VSTM2A: variants seen among roughly 807,000 people sequenced by gnomAD.
The protein encoded by VSTM2A is V-set and transmembrane domain containing 2A.
In VSTM2A, 13 loss-of-function variants were observed where a neutral mutation model predicts 27.3. That is an observed-to-expected ratio of 0.48 (90% CI 0.31 to 0.76). The LOEUF (loss-of-function observed/expected upper bound fraction) is 0.76, where lower values mean the gene tolerates loss of function less well. Among genes scored for constraint, VSTM2A ranks in the 30% least tolerant of loss-of-function variants. VSTM2A has a pLI of 0.05. For synonymous variants in VSTM2A, 142 were observed against 125.7 expected (o/e 1.13, Z -0.87); for missense variants, 280 against 310.0 (o/e 0.90, Z 0.73).
At chr7:54,546,518 G>T (rs1406157314) in intron 2 of VSTM2A, among the ~76,000 whole-genome samples, 2 of 150,634 alleles carry the variant, frequency 1.3e-5, no homozygotes, top group Admixed American at 6.6e-5. Context: ...CACGCCGGCC[G>T]CCCCACCCCT....
At chr7:54,560,893 G>A (rs1788540756) in intron 4 of VSTM2A, among the ~76,000 whole-genome samples, 3 of 152,196 alleles carry the variant, frequency 2.0e-5, no homozygotes, top group Admixed American at 1.3e-4. Flanking sequence ...ACTGTGCAGT[G>A]AAGGGCTCTG....
chr7:54,562,678 T>C (rs1329004281), intron 4 of VSTM2A, among the ~76,000 whole-genome samples: 1 of 152,178 alleles, frequency 6.6e-6, no homozygotes, highest in Non-Finnish European at 1.5e-5. Flanking sequence ...GGGCTCTGGG[T>C]GCATGATCGC....
At position 54,562,323 on chromosome 7, in the gene VSTM2A, C is replaced by T. The variant is rs917064947; in HGVS notation, c.635-6808C>T. Among the ~76,000 whole-genome samples, 4 of 152,100 alleles carry T rather than the reference C, an allele frequency of 2.6e-5. No homozygotes were observed. In the East Asian group the frequency reaches 7.7e-4, roughly 29 times the overall value. On this transcript the variant is annotated intron_variant, in intron 4 of 4. Transcript: ENST00000402613. ...TCACATATTTGGAGCCATGTTTCTT[C>T]CCTTCTTTCTTTTTCTTCTATTTTT...
intron 4 of VSTM2A, among the ~76,000 whole-genome samples, chr7:54,563,952 T>C (rs1315121163): frequency 6.6e-6 from 1 of 152,358 alleles, no homozygotes; most frequent in East Asian, 1.9e-4. Context: ...CATTCTATTA[T>C]TTGACCTTTC....
chr7:54,546,817 G>GCCCCTGGTGGCTCCCCTGT, intron 2 of VSTM2A, 130 bp from the exon 3 acceptor site: 8 of 1,147,644 alleles, frequency 7.0e-6, no homozygotes, highest in Non-Finnish European at 9.6e-6. Context: ...GGGTGGCCAC[G>GCCCCTGGTGGCTCCCCTGT]CCCCTGGTCG....
intron 4 of VSTM2A, among the ~76,000 whole-genome samples, chr7:54,565,251 G>A (rs867707713): frequency 3.9e-5 from 6 of 152,196 alleles, no homozygotes; most frequent in Non-Finnish European, 5.9e-5. Context: ...ATTTCACTTT[G>A]CTGGGTTACA....
At position 54,561,931 on chromosome 7, in the gene VSTM2A, T is replaced by G. The variant is rs554984959; in HGVS notation, c.635-7200T>G. Among the ~76,000 whole-genome samples the G allele has an allele frequency of 7.9e-5, 12 of 152,248 alleles. No individual in the cohort carries two copies. The South Asian group carries it at 2.5e-3, about 32-fold the overall frequency. On this transcript the variant is annotated intron_variant, in intron 4 of 4. Coordinates refer to ENST00000402613, the MANE Select transcript of VSTM2A (RefSeq NM_001301009.2). ...TAGTTTTTTAGTTTTTTGTTTGTTT[T>G]TTTTTGTTTTTGAGACAGAGTCTCA...
chr7:54,569,206 C>A lies in VSTM2A; in HGVS notation c.710C>A (p.Pro237His), dbSNP rs1257615092. The change falls in exon 5 of 5, where the codon CCC becomes CAC. Residue 237 changes from proline to histidine, a missense_variant. Physicochemically the swap from Pro to His is moderately conservative, Grantham distance 77. Transcript: ENST00000402613. ...LTLNSKHHPA[P>H]TVL ...CTAAACTCCAAGCACCACCCTGCAC[C>A]CACTGTACTCTAATTCACTACACAA... 1 of 1,551,606 alleles carries A rather than the reference C, an allele frequency of 6.4e-7. No individual in the cohort carries two copies. The highest frequency in any genetic ancestry group is 1.4e-5 in the African/African-American group (1 of 73,142).
At chr7:54,563,510 A>G (rs1788625880) in intron 4 of VSTM2A, among the ~76,000 whole-genome samples, 1 of 152,178 alleles carries the variant, frequency 6.6e-6, no homozygotes, top group Admixed American at 6.5e-5. Context: ...TCAGATGTGC[A>G]GTGTCCCCAG....
intron 4 of VSTM2A, chr7:54,559,706 A>C (rs781632819): frequency 6.6e-6 from 1 of 152,162 alleles, no homozygotes; most frequent in East Asian, 1.9e-4. Context: ...GGAGTTTTTC[A>C]TACACCTGGA....
chr7:54,547,019 G>A (rs2115789083), intron 3 of VSTM2A, 22 bp downstream of exon 3: 1 of 1,570,796 alleles, frequency 6.4e-7, no homozygotes. Context: ...GCGCGCCAAG[G>A]GCCGCGGGCC....
Position 54,548,400 on chromosome 7 carries a change from T to C in VSTM2A, c.297+1403T>C, listed in dbSNP as rs577152628. On this transcript the variant is annotated intron_variant, in intron 3 of 4. Transcript: ENST00000402613. ...ACCTTGAACATATTTTCTCAACCAC[T>C]AGTTATTAACTTTGAATTCCCAGGA... 9.2e-5 allele frequency among the ~76,000 whole-genome samples: 14 copies of C among 151,968 alleles called. No homozygotes were observed. In the South Asian group the frequency reaches 2.9e-3, roughly 31 times the overall value.
At chr7:54,558,942 A>C (rs932961362) in intron 4 of VSTM2A, 1 of 152,112 alleles carries the variant, frequency 6.6e-6, no homozygotes, top group South Asian at 2.1e-4. Context: ...ATTTTATTTA[A>C]GTAAATAATA....
chr7:54,569,280 G>A lies in VSTM2A; in HGVS notation c.*61G>A. Reference sequence around the variant, plus strand: ...AAATGAAGAGGCTATCACATGCTTTGTTGATCATATTTTCTTTGGCAAAAC... The same window carrying A: ...AAATGAAGAGGCTATCACATGCTTTATTGATCATATTTTCTTTGGCAAAAC... On this transcript the variant is annotated 3_prime_UTR_variant, in exon 5 of 5. Transcript: ENST00000402613. 6.5e-7 allele frequency: 1 copy of A among 1,541,582 alleles called. No individual in the cohort carries two copies. The highest frequency in any genetic ancestry group is 2.0e-5 in the Admixed American group (1 of 49,382).
intron 4 of VSTM2A, chr7:54,552,615 A>C (rs1477027490): frequency 6.6e-6 from 1 of 152,206 alleles, no homozygotes. Context: ...ACAAACATGG[A>C]AGACACACTT....
At chr7:54,568,373 T>C (rs1788787100) in intron 4 of VSTM2A, among the ~76,000 whole-genome samples, 1 of 152,202 alleles carries the variant, frequency 6.6e-6, no homozygotes, top group South Asian at 2.1e-4. Context: ...TCTTTACTAA[T>C]AAAGTTATTC....
chr7:54,544,943 AG>A (rs1374097247), intron 2 of VSTM2A, among the ~76,000 whole-genome samples, 155 bp downstream of exon 2: 28 of 152,186 alleles, frequency 1.8e-4, no homozygotes, highest in Admixed American at 1.8e-3. Context: ...AGGGAGGGAA[AG>A]GGAATTTGTC....
chr7:54,561,772 CTT>C (rs1181754672), intron 4 of VSTM2A, among the ~76,000 whole-genome samples: 1 of 152,108 alleles, frequency 6.6e-6, no homozygotes, highest in African/African-American at 2.4e-5. Flanking sequence ...TGGGTAAAAT[CTT>C]AAGACATTTT....
intron 4 of VSTM2A, among the ~76,000 whole-genome samples, chr7:54,556,772 C>T (rs562465652): frequency 2.0e-5 from 3 of 152,162 alleles, no homozygotes; most frequent in Admixed American, 6.5e-5. Flanking sequence ...AATTCTCCTG[C>T]AAACCATATT....
Sources: gnomAD v4.1 joint callset for allele counts (sites outside exome capture counted in the v4.1 genomes callset) on GRCh38, gnomAD v4.1.1 for gene constraint, MANE v1.5 for transcripts, NCBI Gene and HGNC (gene_info 2026-07-23, HGNC 2026-07-21) for gene names.